The following CPLANE1 variants were observed in gnomAD, a reference collection of about 807,000 sequenced individuals.
CPLANE1 encodes ciliogenesis and planar polarity effector 1.
In CPLANE1, 263 loss-of-function variants were observed where a neutral mutation model predicts 362.5. The ratio of observed to expected loss-of-function variants is 0.73; its 90% CI spans 0.66 to 0.80. The LOEUF (loss-of-function observed/expected upper bound fraction) is 0.80, where lower values mean the gene tolerates loss of function less well. CPLANE1 is among the 30% of genes least tolerant of loss of function. The pLI is 0.00. For missense variants in CPLANE1, 3,461 were observed against 3,793.4 expected, an observed-to-expected ratio of 0.91 and a Z score of 2.30; for synonymous variants, 1,212 against 1,302.6, an observed-to-expected ratio of 0.93 and a Z score of 1.50.
At position 37,179,411 on chromosome 5, in the gene CPLANE1, T is replaced by A; in HGVS notation, c.5770A>T (p.Ser1924Cys). ...DIEESVGGFR[S>C]PSLAICMMTL... ...ATCATGCAAATGGCAAGACTGGGAC[T>A]TCTGAAACCTCCAACAGATTCTTCA... The change falls in exon 29 of 53, where the codon AGT becomes TGT. Residue 1924 changes from serine (S) to cysteine (C), a missense_variant. Physicochemically the swap from Ser to Cys is moderately radical, Grantham distance 112 (BLOSUM62 -1). Coordinates refer to ENST00000651892, the MANE Select transcript of CPLANE1 (RefSeq NM_001384732.1). The A allele has an allele frequency of 6.2e-7, 1 of 1,613,392 alleles. No homozygotes were observed. Among genetic ancestry groups the A allele is most frequent in the Non-Finnish European group, 8.5e-7 (1 of 1,179,546 alleles).
chr5:37,221,062 T>C (rs1212776531), intron 15 of CPLANE1, among the ~76,000 whole-genome samples: 2 of 152,214 alleles, frequency 1.3e-5, no homozygotes, highest in Non-Finnish European at 2.9e-5. Flanking sequence ...GTCCCTGCTA[T>C]TGGGAAGCTG....
At chr5:37,078,213 C>A in the CPLANE1 span, among the ~76,000 whole-genome samples, 1 of 152,174 alleles carries the variant, frequency 6.6e-6, no homozygotes, top group Admixed American at 6.5e-5. Context: ...CCCTCCTCAA[C>A]AGGCCCCAGT....
intron 20 of CPLANE1, among the ~76,000 whole-genome samples, chr5:37,196,874 G>A (rs762024369): frequency 1.6e-4 from 25 of 151,978 alleles, no homozygotes; most frequent in South Asian, 4.2e-4. Flanking sequence ...GCGGTGAGCC[G>A]AGACCATGCC....
intron 26 of CPLANE1, among the ~76,000 whole-genome samples, chr5:37,181,584 G>T (rs1453156062): frequency 6.6e-6 from 1 of 152,220 alleles, no homozygotes; most frequent in South Asian, 2.1e-4. Context: ...AGAGGCCAAG[G>T]TGGGAAGGTC....
chr5:37,230,862 C>A lies in CPLANE1; in HGVS notation c.1121+5G>T. 6.9e-7 allele frequency: 1 copy of A among 1,445,514 alleles called. No individual in the cohort carries two copies. The highest frequency in any genetic ancestry group is 9.2e-7 in the Non-Finnish European group (1 of 1,092,596). The allele number at this position is 1,445,514 out of a possible 1,614,324, so 89.5% of individuals were successfully genotyped here. ...AAACAAATTAACACAATTCAAATGT[C>A]TCACCTATACGTTATTAGTGGATGA... On this transcript the variant is annotated splice_donor_5th_base_variant and intron_variant, in intron 9 of 52. Coordinates refer to ENST00000651892, the MANE Select transcript of CPLANE1 (RefSeq NM_001384732.1).
intron 42 of CPLANE1, among the ~76,000 whole-genome samples, chr5:37,150,201 A>G (rs1208737324): frequency 1.3e-5 from 2 of 151,576 alleles, no homozygotes; most frequent in South Asian, 2.1e-4. Context: ...CCCTCCTCCA[A>G]CTCCTGCTTT....
chr5:37,126,737 C>G (rs754133764), intron 46 of CPLANE1, among the ~76,000 whole-genome samples: 2 of 152,180 alleles, frequency 1.3e-5, no homozygotes, highest in Non-Finnish European at 2.9e-5. Flanking sequence ...TGGCATGCAC[C>G]TGTAGTCCCA....
chr5:37,224,536 G>C lies in CPLANE1; in HGVS notation c.2496C>G (p.Ile832Met). ...AAATATTCATAAGATACTGACCATT[G>C]ATAGATTTAAGTTCTAAGGTTTGAT... ...CLNQTLELKSINGEECFLLGS... is the reference protein window; with the variant it reads ...CLNQTLELKSMNGEECFLLGS... The change falls in exon 13 of 53, where the codon ATC (isoleucine) becomes ATG (methionine). Residue 832 changes from isoleucine to methionine, a missense_variant. Ile to Met is a conservative substitution (Grantham distance 10). Around this residue, in one of 2 missense-constraint regions of CPLANE1, gnomAD observed 3,380 missense variants for 3,666.1 expected, o/e 0.92. Coordinates refer to ENST00000651892, the MANE Select transcript of CPLANE1 (RefSeq NM_001384732.1). The C allele has an allele frequency of 6.5e-7, 1 of 1,543,224 alleles. No individual in the cohort carries two copies. The highest frequency in any genetic ancestry group is 8.8e-7 in the Non-Finnish European group (1 of 1,139,708).
chr5:37,116,807 C>A (rs1241823814), intron 50 of CPLANE1, among the ~76,000 whole-genome samples: 1 of 152,182 alleles, frequency 6.6e-6, no homozygotes, highest in Non-Finnish European at 1.5e-5. Context: ...CCCACATGTG[C>A]AATGACTGAA....
intron 21 of CPLANE1, among the ~76,000 whole-genome samples, chr5:37,190,224 A>T (rs1785146383): frequency 1.3e-5 from 2 of 152,104 alleles, no homozygotes. Flanking sequence ...GAGTTTCCAC[A>T]ATAAATAAAG....
chr5:37,125,463 A>C (rs201919966), intron 46 of CPLANE1, 54 bp from the exon 47 acceptor site: 2 of 919,186 alleles, frequency 2.2e-6, no homozygotes, highest in African/African-American at 3.2e-5. Context: ...TTAAGCAGAT[A>C]AGATATATCA....
rs1381807164 is a variant in CPLANE1 at position 37,183,285 on chromosome 5, G to T, written c.4896C>A (p.Ser1632=). 1.2e-6 allele frequency: 2 copies of T among 1,613,358 alleles called. No homozygotes were observed. The highest frequency in any genetic ancestry group is 1.7e-6 in the Non-Finnish European group (2 of 1,179,862). Residue 1632 remains serine (S), a synonymous_variant, in exon 26 of 53, where the codon TCC becomes TCA. Transcript: ENST00000651892. The part of the protein sequence containing the change: ...APESYESEKS[S]SLNDEYGMHL... ...GCATGCCATATTCATCATTTAAAGA[G>T]GATGATTTTTCTGATTCATAGGACT...
intron 46 of CPLANE1, among the ~76,000 whole-genome samples, chr5:37,129,597 A>G (rs1253992067): frequency 6.6e-6 from 1 of 152,242 alleles, no homozygotes; most frequent in Admixed American, 6.5e-5. Flanking sequence ...GCATGACAAG[A>G]CAATTCACAA....
chr5:37,123,676 T>C (rs887992925), intron 47 of CPLANE1, among the ~76,000 whole-genome samples: 2 of 152,168 alleles, frequency 1.3e-5, no homozygotes, highest in African/African-American at 4.8e-5. Context: ...CCACCACATC[T>C]GGCTAAATTT....
chr5:37,162,897 C>A (rs1241758919), intron 37 of CPLANE1, among the ~76,000 whole-genome samples: 1 of 152,190 alleles, frequency 6.6e-6, no homozygotes, highest in Non-Finnish European at 1.5e-5. Context: ...CCAGGCTGGT[C>A]TCAAACTCCT....
Position 37,184,776 on chromosome 5 carries a change from T to C in CPLANE1, c.4481+12A>G, listed in dbSNP as rs1580518099. On this transcript the variant is annotated intron_variant, in intron 25 of 52. Transcript: ENST00000651892. ...GAAGTGAATGCCAGTGATTAAAAGA[T>C]CTCAATTGTACCTTTGATAGATATT... is the stretch of plus-strand genomic sequence containing the variant. 1 of 1,595,626 alleles carries C rather than the reference T, an allele frequency of 6.3e-7. No homozygotes were observed. Among genetic ancestry groups the C allele is most frequent in the Non-Finnish European group, 8.5e-7 (1 of 1,171,436 alleles).
At chr5:37,133,554 T>C (rs1766628424) in intron 46 of CPLANE1, among the ~76,000 whole-genome samples, 1 of 152,044 alleles carries the variant, frequency 6.6e-6, no homozygotes, top group Non-Finnish European at 1.5e-5. Flanking sequence ...TGGGACTGCA[T>C]TCTTGCTTTG....
rs12658479 is a variant in CPLANE1 at position 37,206,519 on chromosome 5, T to C, written c.2921-94A>G. 0.22 allele frequency: 178,782 copies of C among 807,464 alleles called. 21,254 individuals are homozygous for C. The highest frequency in any genetic ancestry group is 0.37 in the East Asian group (13,753 of 37,490). The allele number at this position is 807,464 out of a possible 1,614,324, so 50.0% of individuals were successfully genotyped here. On this transcript the variant is annotated intron_variant, in intron 16 of 52. Coordinates refer to ENST00000651892, the MANE Select transcript of CPLANE1 (RefSeq NM_001384732.1). ...ATTTATCTCTTCAATCAGTATTATC[T>C]ACAAAAAACCACCAGGAAGATACAT...
At chr5:37,198,227 C>A (rs1788115092) in intron 20 of CPLANE1, among the ~76,000 whole-genome samples, 1 of 152,106 alleles carries the variant, frequency 6.6e-6, no homozygotes, top group Non-Finnish European at 1.5e-5. Context: ...GGATGAACAC[C>A]TGGGAATCAA....
Sources: allele counts gnomAD v4.1 joint callset (sites outside exome capture counted in the v4.1 genomes callset), GRCh38; gene constraint gnomAD v4.1.1; regional missense constraint gnomAD v4.1.1; transcripts MANE v1.5; gene names NCBI Gene and HGNC (gene_info 2026-07-23, HGNC 2026-07-21).